CTNNA3: variants seen among roughly 807,000 people sequenced by gnomAD.
CTNNA3 encodes catenin alpha-3.
A neutral mutation model predicts 95.7 loss-of-function variants in CTNNA3; 76 were observed. That is an observed-to-expected ratio of 0.79 (90% CI 0.66 to 0.96). The LOEUF (loss-of-function observed/expected upper bound fraction) is 0.96, where lower values mean the gene tolerates loss of function less well. CTNNA3 is among the 40% of genes least tolerant of loss of function. The pLI is 0.00. For synonymous variants in CTNNA3, 431 were observed against 374.4 expected (o/e 1.15, Z -1.74); for missense variants, 1,191 against 1,089.8 (o/e 1.09, Z -1.31).
At chr10:67,473,411 C>A (rs1443810318) in intron 5 of CTNNA3, among the ~76,000 whole-genome samples, 1 of 152,190 alleles carries the variant, frequency 6.6e-6, no homozygotes, top group Non-Finnish European at 1.5e-5. Context: ...TAAAAAAAAT[C>A]CATAACATTT....
rs1229187000 is a variant in CTNNA3, at chr10:66,299,456, G to A, written c.1733-18835C>T. Reference sequence around the variant, plus strand: ...AGAAGAGAAAGTAAGTGCTAGAGTGGTGTTTGCCCTGGAGAACTCTGCCTA... The same window carrying A: ...AGAAGAGAAAGTAAGTGCTAGAGTGATGTTTGCCCTGGAGAACTCTGCCTA... On this transcript the variant is annotated intron_variant, in intron 12 of 17. Transcript: ENST00000433211. Among the ~76,000 whole-genome samples, 3 of 152,128 alleles carry A rather than the reference G, an allele frequency of 2.0e-5. No individual in the cohort carries two copies. In the South Asian group the frequency reaches 6.2e-4, roughly 32 times the overall value.
chr10:66,657,036 G>A (rs1044340935), intron 9 of CTNNA3, among the ~76,000 whole-genome samples: 1 of 152,090 alleles, frequency 6.6e-6, no homozygotes, highest in Non-Finnish European at 1.5e-5. Flanking sequence ...TCTCTGAGTA[G>A]AGGTCAGTGT....
intron 11 of CTNNA3, among the ~76,000 whole-genome samples, chr10:66,455,255 T>A (rs1326362886): frequency 6.6e-6 from 1 of 152,188 alleles, no homozygotes; most frequent in Non-Finnish European, 1.5e-5. Flanking sequence ...CTAGAAATTC[T>A]AACTACTACA....
intron 13 of CTNNA3, among the ~76,000 whole-genome samples, chr10:66,125,231 TA>T (rs1191757872): frequency 6.6e-6 from 1 of 152,192 alleles, no homozygotes; most frequent in Non-Finnish European, 1.5e-5. Flanking sequence ...TTAATTGATC[TA>T]ATATGTAACA....
chr10:67,576,791 G>A (rs1842171834), intron 3 of CTNNA3, among the ~76,000 whole-genome samples: 1 of 108,136 alleles, frequency 9.2e-6, no homozygotes, highest in Non-Finnish European at 1.6e-5. Flanking sequence ...ACCTATGAGT[G>A]AGAACATGCG....
intron 9 of CTNNA3, among the ~76,000 whole-genome samples, chr10:66,690,227 G>C (rs879661700): frequency 8.5e-5 from 13 of 152,200 alleles, no homozygotes; most frequent in South Asian, 2.1e-4. Flanking sequence ...TCATGGGAAG[G>C]ACTTGGGTGC....
At chr10:66,273,154 C>A (rs995024113) in intron 13 of CTNNA3, among the ~76,000 whole-genome samples, 3 of 152,108 alleles carry the variant, frequency 2.0e-5, no homozygotes, top group African/African-American at 7.2e-5. Context: ...AAAGGAAGCA[C>A]TTTACAGCTT....
intron 7 of CTNNA3, among the ~76,000 whole-genome samples, chr10:66,845,729 A>AAAAAAAAAAAAAAAAAAAAAAAC (rs1297933220): frequency 9.1e-5 from 8 of 87,764 alleles, no homozygotes; most frequent in Non-Finnish European, 1.8e-4. Context: ...AAAAAAAAAA[A>AAAAAAAAAAAAAAAAAAAAAAAC]CTAAAAAGGT....
intron 17 of CTNNA3, among the ~76,000 whole-genome samples, chr10:65,963,825 A>C (rs2077903734): frequency 6.6e-6 from 1 of 152,208 alleles, no homozygotes; most frequent in Non-Finnish European, 1.5e-5. Flanking sequence ...TGATTGTGGA[A>C]TAATTTTAAT....
chr10:67,262,565 G>C (rs1005118494), intron 5 of CTNNA3, among the ~76,000 whole-genome samples: 1 of 152,166 alleles, frequency 6.6e-6, no homozygotes, highest in Non-Finnish European at 1.5e-5. Flanking sequence ...TCTAGGATCT[G>C]TGGATGTCAG....
intron 9 of CTNNA3, among the ~76,000 whole-genome samples, chr10:66,720,825 C>T (rs2394300): frequency 0.66 from 99,736 of 151,670 alleles, 33,480 homozygotes; most frequent in East Asian, 0.86. Context: ...AGAGAGAGAC[C>T]CTGTCTCAAA....
intron 12 of CTNNA3, among the ~76,000 whole-genome samples, chr10:66,371,055 G>A (rs970903302): frequency 6.6e-6 from 1 of 152,056 alleles, no homozygotes; most frequent in Non-Finnish European, 1.5e-5. Context: ...ACTAGTCTAT[G>A]CTGTTACAAA....
rs2080033117 is a variant in CTNNA3, at chr10:66,054,509, C to T, written c.2159+14799G>A. On this transcript the variant is annotated intron_variant, in intron 15 of 17. Coordinates refer to ENST00000433211, the MANE Select transcript of CTNNA3 (RefSeq NM_013266.4). ...GAGCATCTTTTCATATACCAGTTTGCCATTTGTATGTATCCTTTTGAGAAA... is the reference window on the plus strand; with the variant it reads ...GAGCATCTTTTCATATACCAGTTTGTCATTTGTATGTATCCTTTTGAGAAA... Among the ~76,000 whole-genome samples, 4 of 152,082 alleles carry T rather than the reference C, an allele frequency of 2.6e-5. No individual in the cohort carries two copies. The South Asian group carries it at 8.3e-4, about 32-fold the overall frequency.
At chr10:66,940,341 A>C (rs1847934033) in intron 7 of CTNNA3, among the ~76,000 whole-genome samples, 1 of 152,098 alleles carries the variant, frequency 6.6e-6, no homozygotes, top group Non-Finnish European at 1.5e-5. Flanking sequence ...AAAAAATGAA[A>C]AAAAATTACC....
intron 5 of CTNNA3, among the ~76,000 whole-genome samples, chr10:67,364,149 T>G (rs1372184863): frequency 6.6e-6 from 1 of 152,184 alleles, no homozygotes. Flanking sequence ...GCTTCATCTC[T>G]GGGATGCAAG....
At chr10:66,562,274 A>G (rs1292238825) in intron 10 of CTNNA3, among the ~76,000 whole-genome samples, 1 of 152,056 alleles carries the variant, frequency 6.6e-6, no homozygotes, top group African/African-American at 2.4e-5. Flanking sequence ...TCTTATTTAC[A>G]TTCTCTTTAA....
At chr10:67,701,926 G>A (rs1174930106) in intron 1 of CTNNA3, among the ~76,000 whole-genome samples, 1 of 152,104 alleles carries the variant, frequency 6.6e-6, no homozygotes, top group East Asian at 1.9e-4. Context: ...AAAGGATGGA[G>A]GAAGATCTAC....
chr10:67,642,933 T>C (rs140774634), intron 2 of CTNNA3, among the ~76,000 whole-genome samples: 2 of 150,270 alleles, frequency 1.3e-5, no homozygotes, highest in Admixed American at 6.6e-5. Flanking sequence ...AAGACCTAGA[T>C]GCAGAAATAC....
chr10:66,014,286 A>G (rs747527487), intron 15 of CTNNA3, among the ~76,000 whole-genome samples: 42 of 152,128 alleles, frequency 2.8e-4, no homozygotes, highest in Non-Finnish European at 5.3e-4. Flanking sequence ...GAATAGTAGA[A>G]GCCTGCAAGA....
Sources: gnomAD v4.1 joint callset for allele counts (sites outside exome capture counted in the v4.1 genomes callset) on GRCh38, gnomAD v4.1.1 for gene constraint, MANE v1.5 for transcripts, NCBI Gene and HGNC (gene_info 2026-07-23, HGNC 2026-07-21) for gene names.